CYP2C19: variants seen among roughly 807,000 people sequenced by gnomAD.
CYP2C19 encodes the protein cytochrome P450 2C19.
A neutral mutation model predicts 40.9 loss-of-function variants in CYP2C19; 59 were observed. The observed-to-expected ratio is 1.44, with a 90% CI of 1.17 to 1.79. The LOEUF is 1.79. Among genes scored for constraint, CYP2C19 ranks in the 40% most tolerant of loss-of-function variants. The probability of loss-of-function intolerance (pLI) is 0.00; values close to 1 mark genes in which losing one functional copy is unlikely to be tolerated. For missense variants in CYP2C19, 754 were observed against 596.9 expected (o/e 1.26, Z -2.74); for synonymous variants, 253 against 208.7 (o/e 1.21, Z -1.83).
intron 5 of CYP2C19, among the ~76,000 whole-genome samples, chr10:94,810,221 C>A (rs570949297): frequency 6.6e-6 from 1 of 152,274 alleles, no homozygotes; most frequent in African/African-American, 2.4e-5. Context: ...CCTTGCATCC[C>A]AGGGATGAAG....
intron 6 of CYP2C19, among the ~76,000 whole-genome samples, chr10:94,822,691 A>C (rs1849144539): frequency 6.6e-6 from 1 of 152,216 alleles, no homozygotes; most frequent in Non-Finnish European, 1.5e-5. Flanking sequence ...ACCCACCAGC[A>C]GTGTAAAAGC....
At chr10:94,831,743 CTTGA>C (rs1410143377) in intron 6 of CYP2C19, among the ~76,000 whole-genome samples, 3 of 152,022 alleles carry the variant, frequency 2.0e-5, no homozygotes, top group Non-Finnish European at 4.4e-5. Context: ...CACTTGTGGA[CTTGA>C]TTATTAGATT....
intron 5 of CYP2C19, among the ~76,000 whole-genome samples, chr10:94,796,482 T>C (rs377424497): frequency 6.6e-6 from 1 of 152,162 alleles, no homozygotes; most frequent in Non-Finnish European, 1.5e-5. Context: ...ATGTGGGCTC[T>C]TTTTTATTTC....
At chr10:94,817,503 C>T (rs1289775731) in intron 5 of CYP2C19, among the ~76,000 whole-genome samples, 90 of 142,430 alleles carry the variant, frequency 6.3e-4, no homozygotes, top group African/African-American at 1.6e-3. Context: ...GAGTAGGTTG[C>T]GAAAATTTTC....
At chr10:94,837,205 T>C (rs1849417898) in intron 6 of CYP2C19, among the ~76,000 whole-genome samples, 1 of 152,190 alleles carries the variant, frequency 6.6e-6, no homozygotes, top group Non-Finnish European at 1.5e-5. Context: ...ATTGGGTTTC[T>C]GTACTCCTAA....
At chr10:94,847,652 C>A (rs1192351475) in intron 7 of CYP2C19, among the ~76,000 whole-genome samples, 1 of 152,202 alleles carries the variant, frequency 6.6e-6, no homozygotes, top group Non-Finnish European at 1.5e-5. Context: ...GGAATCACCA[C>A]ACTGACTTCC....
intron 5 of CYP2C19, among the ~76,000 whole-genome samples, chr10:94,797,994 A>G (rs927635376): frequency 3.3e-5 from 5 of 151,928 alleles, no homozygotes; most frequent in Non-Finnish European, 7.4e-5. Flanking sequence ...TATCTCTTTC[A>G]GTACTGCTCT....
chr10:94,790,576 G>T (rs1026027169), intron 5 of CYP2C19, among the ~76,000 whole-genome samples: 2 of 152,060 alleles, frequency 1.3e-5, no homozygotes, highest in Non-Finnish European at 2.9e-5. Context: ...TTTTGTCGAA[G>T]GCCTTTTCTA....
intron 5 of CYP2C19, among the ~76,000 whole-genome samples, chr10:94,788,149 G>A (rs1848566316): frequency 6.6e-6 from 1 of 151,740 alleles, no homozygotes; most frequent in African/African-American, 2.4e-5. Flanking sequence ...TTTTAAATGG[G>A]ATGGCATTCT....
intron 6 of CYP2C19, among the ~76,000 whole-genome samples, chr10:94,825,651 CTTTAG>C (rs1849206239): frequency 1.0e-5 from 1 of 99,506 alleles, no homozygotes; most frequent in Non-Finnish European, 2.1e-5. Context: ...TGCAGAAGCT[CTTTAG>C]TTTAATTAGA....
At chr10:94,793,120 A>T (rs898134320) in intron 5 of CYP2C19, among the ~76,000 whole-genome samples, 3 of 152,068 alleles carry the variant, frequency 2.0e-5, no homozygotes, top group African/African-American at 7.2e-5. Context: ...TCAGTCTCTG[A>T]TACCCTTTCT....
At chr10:94,831,464 T>G (rs1200954841) in intron 6 of CYP2C19, among the ~76,000 whole-genome samples, 1 of 152,228 alleles carries the variant, frequency 6.6e-6, no homozygotes, top group Non-Finnish European at 1.5e-5. Context: ...TTTAGTTTTT[T>G]GAGGAACATT....
chr10:94,771,914 C>T (rs991724872), intron 1 of CYP2C19, among the ~76,000 whole-genome samples: 1 of 152,142 alleles, frequency 6.6e-6, no homozygotes, highest in African/African-American at 2.4e-5. Context: ...TTTAGTGGCC[C>T]TTACCAATGC....
chr10:94,850,195 G>A, intron 8 of CYP2C19, 137 bp downstream of exon 8: 1 of 1,020,578 alleles, frequency 9.8e-7, no homozygotes, highest in Non-Finnish European at 1.5e-6. Flanking sequence ...GAATGCCTGT[G>A]TTTTCTCCGC....
rs149121801 is a variant in CYP2C19, at chr10:94,769,931, G to A, written c.169-5127G>A. On this transcript the variant is annotated intron_variant, in intron 1 of 8. Coordinates refer to ENST00000371321, the MANE Select transcript of CYP2C19 (RefSeq NM_000769.4). ...ATATATCCCTCCTTAATAAGGGTGT[G>A]GGACTTTCAGACATAACAAGAAAGG... is the stretch of plus-strand genomic sequence containing the variant. Among the ~76,000 whole-genome samples, 1,034 of 152,234 alleles carry A rather than the reference G, an allele frequency of 6.8e-3. 25 individuals are homozygous for A. The highest frequency in any genetic ancestry group is 0.043 in the Admixed American group (653 of 15,292).
intron 1 of CYP2C19, chr10:94,774,654 A>C (rs1440312563): frequency 9.8e-6 from 2 of 204,558 alleles, no homozygotes; most frequent in East Asian, 2.6e-4. Context: ...CTTAAGGTAG[A>C]CACAAGAGTG....
chr10:94,844,117 CTAAG>C (rs1485848738), intron 7 of CYP2C19, among the ~76,000 whole-genome samples: 1 of 152,128 alleles, frequency 6.6e-6, no homozygotes, highest in African/African-American at 2.4e-5. Context: ...CCTTATAAAA[CTAAG>C]TGAGAAATGT....
intron 6 of CYP2C19, among the ~76,000 whole-genome samples, chr10:94,834,402 G>T (rs572876309): frequency 6.6e-6 from 1 of 151,496 alleles, no homozygotes; most frequent in South Asian, 2.1e-4. Flanking sequence ...TCTTAGTCTG[G>T]CTAAAAACTT....
chr10:94,827,316 A>G (rs1049255985), intron 6 of CYP2C19, among the ~76,000 whole-genome samples: 1 of 152,000 alleles, frequency 6.6e-6, no homozygotes, highest in African/African-American at 2.4e-5. Context: ...TTGGTAAGCT[A>G]TTGATTATTG....
Sources: allele counts gnomAD v4.1 joint callset (sites outside exome capture counted in the v4.1 genomes callset), GRCh38; gene constraint gnomAD v4.1.1; transcripts MANE v1.5; gene names NCBI Gene and HGNC (gene_info 2026-07-23, HGNC 2026-07-21).